Variants in COX10 observed in about 807,000 individuals in gnomAD.
COX10 encodes cytochrome c oxidase assembly factor heme A:farnesyltransferase COX10.
COX10 carries 27 observed loss-of-function variants against 37.3 expected under a neutral mutation model. The ratio of observed to expected loss-of-function variants is 0.72; its 90% CI spans 0.53 to 1.00. The LOEUF (loss-of-function observed/expected upper bound fraction) is 1.00. Among genes scored for constraint, COX10 ranks in the 50% least tolerant of loss-of-function variants. The pLI is 0.00. For synonymous variants in COX10, 222 were observed against 229.1 expected (o/e 0.97, Z 0.28); for missense variants, 475 against 563.2 (o/e 0.84, Z 1.59).
At chr17:14,108,724 A>T (rs1915950940) in intron 4 of COX10, among the ~76,000 whole-genome samples, 1 of 152,186 alleles carries the variant, frequency 6.6e-6, no homozygotes, top group Non-Finnish European at 1.5e-5. Context: ...TAGAGTAGGT[A>T]GGGCAAAAGA....
At chr17:14,172,175 A>G (rs1905490641) in intron 5 of COX10, among the ~76,000 whole-genome samples, 1 of 152,148 alleles carries the variant, frequency 6.6e-6, no homozygotes, top group South Asian at 2.1e-4. Context: ...CATATTTAAG[A>G]CAAAACACAT....
rs185928122 is a variant in COX10 at position 14,079,382 on chromosome 17, G to A, written c.499+2326G>A. ...GAAGGAGAATTTTAAGTAGAGGGAA[G>A]AGTCTTTGCAAAAGCAAAGGAGTCT... On this transcript the variant is annotated intron_variant, in intron 3 of 6. Transcript: ENST00000261643. 7.9e-4 allele frequency among the ~76,000 whole-genome samples: 121 copies of A among 152,318 alleles called. 2 individuals carry two copies. The highest frequency in any genetic ancestry group is 2.8e-4 in the Non-Finnish European group (19 of 68,034).
intron 3 of COX10, among the ~76,000 whole-genome samples, chr17:14,099,742 G>A (rs1244012370): frequency 6.6e-6 from 1 of 151,908 alleles, no homozygotes; most frequent in African/African-American, 2.4e-5. Context: ...ATGGCCTCTA[G>A]GCAACTCCAG....
intron 5 of COX10, among the ~76,000 whole-genome samples, chr17:14,191,506 G>A (rs1358587685): frequency 6.6e-6 from 1 of 152,182 alleles, no homozygotes; most frequent in Non-Finnish European, 1.5e-5. Flanking sequence ...TACAGGGGAA[G>A]AACAGCTTCC....
chr17:14,126,027 A>G (rs1916335674), intron 4 of COX10, among the ~76,000 whole-genome samples: 1 of 152,172 alleles, frequency 6.6e-6, no homozygotes, highest in Non-Finnish European at 1.5e-5. Context: ...GTAAATGCTA[A>G]TTCAGTGTCA....
At chr17:14,166,612 CTTTT>C (rs71147845) in intron 5 of COX10, among the ~76,000 whole-genome samples, 1 of 96,528 alleles carries the variant, frequency 1.0e-5, no homozygotes, top group Non-Finnish European at 2.0e-5. Context: ...TCAATTCGAC[CTTTT>C]TTTTTTTTTT....
chr17:14,082,519 T>G lies in COX10; in HGVS notation c.499+5463T>G, dbSNP rs117455142. On this transcript the variant is annotated intron_variant, in intron 3 of 6. Transcript: ENST00000261643. Reference sequence around the variant, plus strand: ...TAGGAACACAGGAAAATAGGATAACTAGTTTAAGATGAACTTTTTTCTTGG... The same window carrying G: ...TAGGAACACAGGAAAATAGGATAACGAGTTTAAGATGAACTTTTTTCTTGG... 4.2e-3 allele frequency among the ~76,000 whole-genome samples: 635 copies of G among 152,330 alleles called. 22 individuals carry two copies. In the East Asian group the frequency reaches 0.074, roughly 18 times the overall value.
chr17:14,080,057 C>G (rs916861746), intron 3 of COX10, among the ~76,000 whole-genome samples: 1 of 151,906 alleles, frequency 6.6e-6, no homozygotes, highest in African/African-American at 2.4e-5. Flanking sequence ...GTTACTTTTA[C>G]GTATACGTCT....
intron 4 of COX10, among the ~76,000 whole-genome samples, chr17:14,141,933 A>ACTT (rs1257146688): frequency 6.6e-6 from 1 of 152,166 alleles, no homozygotes; most frequent in Non-Finnish European, 1.5e-5. Flanking sequence ...TGACATTTCT[A>ACTT]AAGTAAAATC....
chr17:14,175,511 G>A (rs1455959145), intron 5 of COX10, among the ~76,000 whole-genome samples: 1 of 150,970 alleles, frequency 6.6e-6, no homozygotes, highest in African/African-American at 2.4e-5. Context: ...TTATAAAGCT[G>A]TCAGTAAATG....
intron 5 of COX10, among the ~76,000 whole-genome samples, chr17:14,175,459 G>C (rs919047574): frequency 1.3e-5 from 2 of 151,640 alleles, no homozygotes; most frequent in Admixed American, 1.3e-4. Context: ...AATGAGGTTT[G>C]TGCCTTCCAC....
chr17:14,108,241 C>G (rs1915939632), intron 4 of COX10, among the ~76,000 whole-genome samples: 1 of 152,104 alleles, frequency 6.6e-6, no homozygotes, highest in Admixed American at 6.6e-5. Context: ...CTAATTGCAG[C>G]AAACACTTGT....
At chr17:14,161,330 G>T (rs8075612) in intron 5 of COX10, among the ~76,000 whole-genome samples, 62,902 of 151,982 alleles carry the variant, frequency 0.41, 13,317 homozygotes, top group African/African-American at 0.51. Context: ...ATGTCCAAAG[G>T]CCCGAAAATT....
chr17:14,096,203 G>A (rs1915648251), intron 3 of COX10, among the ~76,000 whole-genome samples: 2 of 151,990 alleles, frequency 1.3e-5, no homozygotes, highest in African/African-American at 4.8e-5. Flanking sequence ...ATTCATGAGG[G>A]CTGGGCCACC....
At chr17:14,115,594 C>T (rs182786312) in intron 4 of COX10, among the ~76,000 whole-genome samples, 18 of 152,162 alleles carry the variant, frequency 1.2e-4, no homozygotes, top group African/African-American at 3.9e-4. Context: ...TGTTTATCAC[C>T]GCCCTACCAC....
At chr17:14,198,223 ACTG>A (rs1268637976) in intron 6 of COX10, among the ~76,000 whole-genome samples, 2 of 152,050 alleles carry the variant, frequency 1.3e-5, no homozygotes, top group African/African-American at 4.8e-5. Context: ...GAGGGAGGGG[ACTG>A]CAGATAAGTG....
At chr17:14,160,059 A>C in intron 5 of COX10, 112 bp downstream of exon 5, 1 of 910,030 alleles carries the variant, frequency 1.1e-6, no homozygotes, top group Non-Finnish European at 1.8e-6. Context: ...TAAAATACCC[A>C]CAAAGAAACA....
At chr17:14,148,718 G>A (rs140926933) in intron 4 of COX10, among the ~76,000 whole-genome samples, 1,976 of 152,162 alleles carry the variant, frequency 0.013, 20 homozygotes, top group South Asian at 0.018. Context: ...TGCATAGGAT[G>A]TAATTAATCA....
At chr17:14,149,945 A>G (rs1176775558) in intron 4 of COX10, among the ~76,000 whole-genome samples, 3 of 152,070 alleles carry the variant, frequency 2.0e-5, no homozygotes, top group African/African-American at 7.2e-5. Flanking sequence ...TTGGGAAGGG[A>G]GATGGTGGGG....
Sources: gnomAD v4.1 joint callset for allele counts (sites outside exome capture counted in the v4.1 genomes callset) on GRCh38, gnomAD v4.1.1 for gene constraint, MANE v1.5 for transcripts, NCBI Gene and HGNC (gene_info 2026-07-23, HGNC 2026-07-21) for gene names.